Variants in YPEL1 observed in about 807,000 individuals in gnomAD.
YPEL1 encodes the protein protein yippee-like 1.
YPEL1 carries 7 observed loss-of-function variants against 17.3 expected under a neutral mutation model. That is an observed-to-expected ratio of 0.40 (90% CI 0.23 to 0.76). YPEL1 has a LOEUF of 0.76. Ranked by LOEUF, YPEL1 falls within the 30% of genes least tolerant of loss-of-function variation. The probability of loss-of-function intolerance (pLI) is 0.35; values close to 1 mark genes in which losing one functional copy is unlikely to be tolerated. For synonymous variants in YPEL1, 59 were observed against 59.6 expected (o/e 0.99, Z 0.05); for missense variants, 91 against 155.5 (o/e 0.59, Z 2.21).
intron 1 of YPEL1, among the ~76,000 whole-genome samples, chr22:21,728,166 G>C (rs1440511215): frequency 6.6e-6 from 1 of 152,136 alleles, no homozygotes; most frequent in Non-Finnish European, 1.5e-5. Context: ...TGAGCGGTGA[G>C]AGGTGGTGGT....
chr22:21,702,968 C>T (rs2068080164), intron 4 of YPEL1, among the ~76,000 whole-genome samples: 2 of 152,178 alleles, frequency 1.3e-5, no homozygotes, highest in South Asian at 4.1e-4. Context: ...CTGTCTCTGA[C>T]TCCAGCAGGT....
chr22:21,731,476 C>T (rs561222772), intron 1 of YPEL1, among the ~76,000 whole-genome samples: 36 of 151,208 alleles, frequency 2.4e-4, no homozygotes, highest in Middle Eastern at 6.8e-3. Flanking sequence ...ACTTTATTTA[C>T]CCTCATGCTA....
intron 1 of YPEL1, among the ~76,000 whole-genome samples, chr22:21,719,634 C>T (rs2068260300): frequency 6.6e-6 from 1 of 152,122 alleles, no homozygotes; most frequent in Non-Finnish European, 1.5e-5. Context: ...CCTGTAATCC[C>T]AACACTTTGG....
At chr22:21,714,036 A>ACCCCCCC (rs201751159) in intron 1 of YPEL1, among the ~76,000 whole-genome samples, 1 of 150,608 alleles carries the variant, frequency 6.6e-6, no homozygotes, top group African/African-American at 2.5e-5. Flanking sequence ...CCTGAGATGC[A>ACCCCCCC]CCCCCCACCG....
At chr22:21,723,060 C>T (rs560198162) in intron 1 of YPEL1, 1 of 152,186 alleles carries the variant, frequency 6.6e-6, no homozygotes, top group Non-Finnish European at 1.5e-5. Context: ...ATATTGATGC[C>T]TAACTTAGTG....
chr22:21,727,537 A>G (rs1303978062), intron 1 of YPEL1, among the ~76,000 whole-genome samples: 2 of 152,180 alleles, frequency 1.3e-5, no homozygotes, highest in Non-Finnish European at 2.9e-5. Context: ...ATGTTTTTAG[A>G]GCAAAAACAA....
At chr22:21,726,488 C>T (rs1030571888) in intron 1 of YPEL1, among the ~76,000 whole-genome samples, 4 of 152,172 alleles carry the variant, frequency 2.6e-5, no homozygotes, top group South Asian at 4.1e-4. Flanking sequence ...AGGTGCTCTC[C>T]GCTCTCGGTC....
intron 2 of YPEL1, chr22:21,704,148 G>C: frequency 1.4e-6 from 1 of 718,338 alleles, no homozygotes; most frequent in Non-Finnish European, 2.6e-6. Flanking sequence ...ATCATGGCAA[G>C]ATCAGTTTTT....
At chr22:21,720,820 T>G (rs1382468368) in intron 1 of YPEL1, among the ~76,000 whole-genome samples, 4 of 150,114 alleles carry the variant, frequency 2.7e-5, no homozygotes, top group African/African-American at 9.8e-5. Context: ...TTTGTTTTTT[T>G]TTTTTTTTTT....
At chr22:21,714,240 C>T (rs1162120566) in intron 1 of YPEL1, among the ~76,000 whole-genome samples, 1 of 152,218 alleles carries the variant, frequency 6.6e-6, no homozygotes, top group Non-Finnish European at 1.5e-5. Flanking sequence ...AAGACACAAA[C>T]GGCCGGTGGC....
intron 1 of YPEL1, among the ~76,000 whole-genome samples, chr22:21,734,437 T>A (rs1345310396): frequency 6.6e-6 from 1 of 152,106 alleles, no homozygotes; most frequent in Non-Finnish European, 1.5e-5. Flanking sequence ...AAATTTAAAG[T>A]TTTTCCAAAA....
At chr22:21,729,637 A>G (rs2068369199) in intron 1 of YPEL1, among the ~76,000 whole-genome samples, 1 of 152,114 alleles carries the variant, frequency 6.6e-6, no homozygotes, top group East Asian at 1.9e-4. Context: ...TAAGAAGTTG[A>G]CAACACCACT....
At chr22:21,714,473 A>G (rs1000740703) in intron 1 of YPEL1, among the ~76,000 whole-genome samples, 5 of 152,202 alleles carry the variant, frequency 3.3e-5, no homozygotes, top group East Asian at 1.9e-4. Context: ...CGTGCAGCCA[A>G]GTCTGCCTCT....
Position 21,703,556 on chromosome 22 carries a change from C to T in YPEL1, c.162-78G>A. 2 of 1,344,936 alleles carry T rather than the reference C, an allele frequency of 1.5e-6. No individual in the cohort carries two copies. The highest frequency in any genetic ancestry group is 2.1e-6 in the Non-Finnish European group (2 of 953,748). The allele number at this position is 1,344,936 out of a possible 1,614,324, so 83.3% of individuals were successfully genotyped here. On this transcript the variant is annotated intron_variant, in intron 3 of 4. Coordinates refer to ENST00000339468, the MANE Select transcript of YPEL1 (RefSeq NM_013313.5). This position sits in a 1 kb window ranked among gnomAD's most constrained non-coding sequence, Gnocchi z 6.1. ...GCCCTGCCCCCTCAGCGGGCCCCAC[C>T]CCATCCTCCTAAGAGTTCCCCCAAA...
chr22:21,712,367 T>TAAAA (rs34536579), intron 1 of YPEL1, among the ~76,000 whole-genome samples: 5,567 of 130,390 alleles, frequency 0.043, 163 homozygotes, highest in Middle Eastern at 0.1. Context: ...TTGGAATATG[T>TAAAA]AAAAAAAAAA....
At chr22:21,706,451 GA>G (rs1246707906) in intron 2 of YPEL1, among the ~76,000 whole-genome samples, 1 of 148,578 alleles carries the variant, frequency 6.7e-6, no homozygotes, top group African/African-American at 2.5e-5. Context: ...AAAAAAAAAA[GA>G]AAAAAAAATT....
chr22:21,733,440 C>T (rs1023593986), intron 1 of YPEL1, among the ~76,000 whole-genome samples: 1 of 150,612 alleles, frequency 6.6e-6, no homozygotes, highest in African/African-American at 2.4e-5. Context: ...AATAAAGTAA[C>T]AAAACAAAAC....
At chr22:21,729,960 C>T (rs538628720) in intron 1 of YPEL1, among the ~76,000 whole-genome samples, 2 of 152,026 alleles carry the variant, frequency 1.3e-5, no homozygotes, top group African/African-American at 4.8e-5. Flanking sequence ...CCAGCCTGGC[C>T]AACCAACATG....
At chr22:21,714,290 C>T (rs971499432) in intron 1 of YPEL1, among the ~76,000 whole-genome samples, 6 of 152,212 alleles carry the variant, frequency 3.9e-5, no homozygotes, top group African/African-American at 1.4e-4. Context: ...CACCACGGCG[C>T]TGCTGTGCCC....
Sources: gnomAD v4.1 joint callset for allele counts (sites outside exome capture counted in the v4.1 genomes callset) on GRCh38, gnomAD v4.1.1 for gene constraint, Gnocchi (gnomAD v3.1) non-coding constraint, MANE v1.5 for transcripts, NCBI Gene and HGNC (gene_info 2026-07-23, HGNC 2026-07-21) for gene names.